Variants in LRP1B observed in about 807,000 individuals in gnomAD.
LRP1B encodes low-density lipoprotein receptor-related protein 1B.
In LRP1B, 217 loss-of-function variants were observed where a neutral mutation model predicts 556.6. The observed-to-expected ratio is 0.39, with a 90% CI of 0.35 to 0.44. The LOEUF (loss-of-function observed/expected upper bound fraction) is 0.44. Ranked by LOEUF, LRP1B falls within the 20% of genes least tolerant of loss-of-function variation. The pLI, the probability that LRP1B is intolerant of heterozygous loss-of-function variation, is 1.00. For missense variants in LRP1B, 5,053 were observed against 5,620.8 expected (o/e 0.90, Z 3.23); for synonymous variants, 2,047 against 1,865.8 (o/e 1.10, Z -2.50).
intron 18 of LRP1B, among the ~76,000 whole-genome samples, chr2:140,964,558 A>G (rs13013614): frequency 0.36 from 53,283 of 147,280 alleles, 10,028 homozygotes; most frequent in East Asian, 0.5. Context: ...GGCCCTGTCC[A>G]GGCATAACAG....
At chr2:141,933,380 C>G (rs1027003237) in intron 1 of LRP1B, among the ~76,000 whole-genome samples, 1 of 152,038 alleles carries the variant, frequency 6.6e-6, no homozygotes, top group East Asian at 1.9e-4. Flanking sequence ...CTAAAAGGAG[C>G]ACTATTTCAT....
chr2:141,040,763 C>T (rs1046435199), intron 11 of LRP1B, among the ~76,000 whole-genome samples: 1 of 152,054 alleles, frequency 6.6e-6, no homozygotes, highest in African/African-American at 2.4e-5. Context: ...ATCCACAGGG[C>T]AATTCTGAAG....
chr2:141,807,708 C>CCA (rs1696209273), intron 2 of LRP1B, among the ~76,000 whole-genome samples: 1 of 152,108 alleles, frequency 6.6e-6, no homozygotes, highest in Non-Finnish European at 1.5e-5. Context: ...CCCCTAAACT[C>CCA]TGTGAACTGA....
chr2:140,234,717 GTAAT>G (rs1680618184), intron 90 of LRP1B, 65 bp downstream of exon 90: 1 of 714,426 alleles, frequency 1.4e-6, no homozygotes, highest in Non-Finnish European at 2.6e-6. Context: ...TCTAAGTCTA[GTAAT>G]TAGTCTTTGA....
chr2:140,573,787 A>G (rs1333604593), intron 43 of LRP1B, among the ~76,000 whole-genome samples: 3 of 152,074 alleles, frequency 2.0e-5, no homozygotes, highest in African/African-American at 7.2e-5. Context: ...TGAAGTAGTC[A>G]TTCAGTTCAC....
At chr2:140,830,135 A>C (rs1347134349) in intron 31 of LRP1B, among the ~76,000 whole-genome samples, 3 of 151,916 alleles carry the variant, frequency 2.0e-5, no homozygotes, top group African/African-American at 4.8e-5. Flanking sequence ...ATCAAAAAAA[A>C]CCCCAGGACC....
chr2:141,669,374 C>A (rs187344129), intron 2 of LRP1B, among the ~76,000 whole-genome samples: 27 of 152,182 alleles, frequency 1.8e-4, no homozygotes, highest in Admixed American at 5.2e-4. Context: ...ATATCTAGCC[C>A]CCAGAAATCC....
intron 1 of LRP1B, among the ~76,000 whole-genome samples, chr2:141,975,022 A>G (rs1023884559): frequency 2.0e-5 from 3 of 152,042 alleles, no homozygotes; most frequent in Non-Finnish European, 2.9e-5. Context: ...ATATCTCATT[A>G]TAATGTGATA....
rs555921975 is a variant in LRP1B at position 140,274,001 on chromosome 2, C to A, written c.13142+423G>T. Among the ~76,000 whole-genome samples, 12 of 152,134 alleles carry A rather than the reference C, an allele frequency of 7.9e-5. No homozygotes were observed. The South Asian group carries it at 2.5e-3, about 32-fold the overall frequency. On this transcript the variant is annotated intron_variant, in intron 85 of 90. Transcript: ENST00000389484. The stretch of plus-strand genomic sequence containing the variant: ...TAATGTGTGTTTTCATTAGACAGGT[C>A]TTTTGCTCCTCCTTCAACAAATCAA...
At chr2:141,303,850 T>C (rs1044352901) in intron 3 of LRP1B, among the ~76,000 whole-genome samples, 4 of 152,176 alleles carry the variant, frequency 2.6e-5, no homozygotes, top group African/African-American at 9.6e-5. Flanking sequence ...CTGTTTTCCA[T>C]ACTGGCTGTA....
intron 1 of LRP1B, among the ~76,000 whole-genome samples, chr2:141,980,583 A>T (rs938127585): frequency 6.6e-6 from 1 of 152,142 alleles, no homozygotes; most frequent in Admixed American, 6.6e-5. Context: ...TTAGAAAGCA[A>T]ATGGGAATTA....
chr2:140,524,268 C>A (rs534559836), intron 49 of LRP1B, among the ~76,000 whole-genome samples: 1 of 151,808 alleles, frequency 6.6e-6, no homozygotes, highest in Non-Finnish European at 1.5e-5. Context: ...ATCAAAACCA[C>A]GAGGTACCAT....
intron 35 of LRP1B, among the ~76,000 whole-genome samples, chr2:140,740,249 T>C (rs1688091564): frequency 6.6e-6 from 1 of 152,078 alleles, no homozygotes; most frequent in Non-Finnish European, 1.5e-5. Flanking sequence ...AATTGCAAAA[T>C]AATGAAACCA....
intron 55 of LRP1B, among the ~76,000 whole-genome samples, chr2:140,496,346 G>T (rs1187301724): frequency 1.3e-5 from 2 of 151,988 alleles, no homozygotes; most frequent in Admixed American, 6.6e-5. Flanking sequence ...TTTAGATAAG[G>T]CCAGTAGGAG....
rs1009896399 is a variant in LRP1B, at chr2:141,902,780, G to T, written c.83-92379C>A. 4.0e-5 allele frequency among the ~76,000 whole-genome samples: 6 copies of T among 151,820 alleles called. No homozygotes were observed. In the South Asian group the frequency reaches 1.2e-3, roughly 31 times the overall value. On this transcript the variant is annotated intron_variant, in intron 1 of 90. Coordinates refer to ENST00000389484, the MANE Select transcript of LRP1B (RefSeq NM_018557.3). ...GATTACAATATTTATTAAAGGAAAA[G>T]GCATAAAATTGGATCATTAGAAGCC... is the stretch of plus-strand genomic sequence containing the variant.
intron 1 of LRP1B, among the ~76,000 whole-genome samples, chr2:141,925,739 G>A (rs1435588): frequency 0.86 from 131,194 of 152,156 alleles, 56,713 homozygotes; most frequent in East Asian, 1. Context: ...ATATAGACAT[G>A]CCTCTGGAAG....
chr2:140,840,202 C>A, intron 30 of LRP1B, 117 bp from the exon 31 acceptor site: 2 of 616,912 alleles, frequency 3.2e-6, no homozygotes, highest in South Asian at 2.4e-5. Context: ...AGGATTAATT[C>A]TTTTCAGAAA....
intron 3 of LRP1B, among the ~76,000 whole-genome samples, chr2:141,411,350 T>G (rs1690844226): frequency 6.6e-6 from 1 of 152,126 alleles, no homozygotes; most frequent in African/African-American, 2.4e-5. Flanking sequence ...ATACCTCCAA[T>G]GTTTGTTCTT....
intron 29 of LRP1B, among the ~76,000 whole-genome samples, chr2:140,841,601 T>A (rs1692107532): frequency 6.6e-6 from 1 of 152,176 alleles, no homozygotes; most frequent in East Asian, 1.9e-4. Context: ...TAAGAGGAAT[T>A]GACTGAGAAG....
Sources: allele counts gnomAD v4.1 joint callset (sites outside exome capture counted in the v4.1 genomes callset), GRCh38; gene constraint gnomAD v4.1.1; transcripts MANE v1.5; gene names NCBI Gene and HGNC (gene_info 2026-07-23, HGNC 2026-07-21).